Variants in FN1 observed in about 807,000 individuals in gnomAD.
FN1 encodes fibronectin 1.
A neutral mutation model predicts 297.3 loss-of-function variants in FN1; 106 were observed. The ratio of observed to expected loss-of-function variants is 0.36; its 90% CI spans 0.30 to 0.42. The LOEUF (loss-of-function observed/expected upper bound fraction) is 0.42, where lower values mean the gene tolerates loss of function less well. FN1 is among the 10% of genes least tolerant of loss of function. FN1 has a pLI of 1.00. For missense variants in FN1, 2,690 were observed against 3,124.9 expected, an observed-to-expected ratio of 0.86 and a Z score of 3.32; for synonymous variants, 1,149 against 1,152.6, an observed-to-expected ratio of 1.00 and a Z score of 0.06.
At chr2:215,421,312 A>T in intron 10 of FN1, 1 of 212,956 alleles carries the variant, frequency 4.7e-6, no homozygotes, top group Non-Finnish European at 9.4e-6. Flanking sequence ...AATTAGGCCA[A>T]CTCTGTTGCT....
Position 215,435,861 on chromosome 2 carries a change from T to A in FN1, c.-59A>T. The A allele has an allele frequency of 6.7e-7, 1 of 1,497,576 alleles. No individual in the cohort carries two copies. The highest frequency in any genetic ancestry group is 8.9e-7 in the Non-Finnish European group (1 of 1,125,592). The allele number at this position is 1,497,576 out of a possible 1,614,324, so 92.8% of individuals were successfully genotyped here. A position where few individuals can be genotyped will look rare whatever the true frequency, so the allele number is the denominator to read the frequency against. On this transcript the variant is annotated 5_prime_UTR_variant, in exon 1 of 46. Transcript: ENST00000354785. ...GAGGCAAGTTGCCACCAAGTTTGCT[T>A]CCCTTCGCAACCTGCGGGAAAAATC...
In FN1 at chr2:215,423,416, T is replaced by C; in HGVS notation, c.1327A>G (p.Met443Val). Reference protein sequence around the residue: ...DCTSEGRRDNMKWCGTTQNYD... With the variant: ...DCTSEGRRDNVKWCGTTQNYD... ...TTCTGTGTGGTCCCACACCACTTCA[T>C]GTTGTCTCTTCTGCCCTCAGAAGTG... Residue 443 changes from methionine (M) to valine (V), a missense_variant, in exon 9 of 46, where the codon ATG becomes GTG. Physicochemically the swap from Met to Val is conservative, Grantham distance 21 (BLOSUM62 1). Coordinates refer to ENST00000354785, the MANE Select transcript of FN1 (RefSeq NM_212482.4). 2 of 1,614,236 alleles carry C rather than the reference T, an allele frequency of 1.2e-6. No homozygotes were observed. Among genetic ancestry groups the C allele is most frequent in the African/African-American group, 1.3e-5 (1 of 75,068 alleles).
At chr2:215,420,985 C>T in intron 10 of FN1, 184 bp from the exon 11 acceptor site, 1 of 629,226 alleles carries the variant, frequency 1.6e-6, no homozygotes, top group Non-Finnish European at 2.7e-6. Context: ...ACAATTTTTG[C>T]CAAAAAAATT....
rs1213810601 is a variant in FN1 at position 215,422,235 on chromosome 2, C to T, written c.1402G>A (p.Glu468Lys). Residue 468 changes from glutamate to lysine, a missense_variant, in exon 10 of 46, where the codon GAA (glutamate) becomes AAA (lysine). By Grantham distance (56) the Glu-to-Lys change is moderately conservative. Transcript: ENST00000354785. ...FGFCPMAAHE[E>K]ICTTNEGVMY... ...ACCCCTTCATTGGTTGTGCAGATTT[C>T]CTCGTGGGCTGTTTGGAAATGGATA... 1 of 1,614,108 alleles carries T rather than the reference C, an allele frequency of 6.2e-7. No individual in the cohort carries two copies. Among genetic ancestry groups the T allele is most frequent in the Non-Finnish European group, 8.5e-7 (1 of 1,179,960 alleles).
At position 215,393,071 on chromosome 2, in the gene FN1, G is replaced by A; in HGVS notation, c.3929C>T (p.Pro1310Leu). The change falls in exon 25 of 46, where the codon CCT (proline) becomes CTT (leucine). Residue 1310 changes from proline (P) to leucine (L), a missense_variant. Around this residue, in one of 3 missense-constraint regions of FN1, gnomAD observed 1,743 missense variants for 1,945.2 expected, o/e 0.90. Transcript: ENST00000354785. The stretch of plus-strand genomic sequence containing the variant: ...GGAGTCCACAAAATCTTCAAAAATA[G>A]GGATACCTTCTCCTGCCGCAACTAC... Reference protein sequence around the residue: ...ITVVAAGEGIPIFEDFVDSSV... With the variant: ...ITVVAAGEGILIFEDFVDSSV... The A allele has an allele frequency of 6.2e-7, 1 of 1,614,064 alleles. No homozygotes were observed. Among genetic ancestry groups the A allele is most frequent in the Non-Finnish European group, 8.5e-7 (1 of 1,180,026 alleles).
rs11544109 is a variant in FN1 at position 215,375,389 on chromosome 2, A to C, written c.5982T>G (p.Ile1994Met). The stretch of plus-strand genomic sequence containing the variant: ...GGAAACGCAGGTTGGATGGTGCATC[A>C]ATGGCTGAAAGAAAACAAAATTAAG... ...SPVVIDASTA[I>M]DAPSNLRFLA... The change falls in exon 38 of 46, where the codon ATT (isoleucine) becomes ATG (methionine). Residue 1994 changes from isoleucine (I) to methionine (M), a missense_variant. Physicochemically the swap from Ile to Met is conservative, Grantham distance 10. Around this residue, in one of 3 missense-constraint regions of FN1, gnomAD observed 1,743 missense variants for 1,945.2 expected, o/e 0.90. Transcript: ENST00000354785. 6.2e-7 allele frequency: 1 copy of C among 1,603,038 alleles called. No individual in the cohort carries two copies. Among genetic ancestry groups the C allele is most frequent in the Non-Finnish European group, 8.5e-7 (1 of 1,177,230 alleles).
intron 15 of FN1, 132 bp downstream of exon 15, chr2:215,409,431 G>T: frequency 2.4e-6 from 2 of 841,780 alleles, no homozygotes; most frequent in Non-Finnish European, 2.0e-6. Flanking sequence ...ATGCCAGAGG[G>T]TGGTTTGTTC....
chr2:215,379,894 C>G (rs946929375), intron 33 of FN1: 2 of 154,876 alleles, frequency 1.3e-5, no homozygotes, highest in Non-Finnish European at 2.9e-5. Context: ...CGGGGTCTCA[C>G]TTCATTGCCC....
chr2:215,406,991 T>C, intron 18 of FN1, 136 bp downstream of exon 18: 4 of 738,504 alleles, frequency 5.4e-6, no homozygotes, highest in Non-Finnish European at 9.5e-6. Flanking sequence ...ACATTTCAGC[T>C]AAATATCAGA....
chr2:215,402,598 C>G (rs1030472553), intron 20 of FN1, among the ~76,000 whole-genome samples: 2 of 152,244 alleles, frequency 1.3e-5, no homozygotes, highest in Admixed American at 6.5e-5. Context: ...TTAGGGAGTG[C>G]TTAAAGTTCA....
intron 21 of FN1, among the ~76,000 whole-genome samples, chr2:215,398,851 G>A (rs954141876): frequency 1.3e-5 from 2 of 152,166 alleles, no homozygotes; most frequent in South Asian, 4.1e-4. Flanking sequence ...ATGAAAATGC[G>A]ATTTTTAAGT....
At position 215,407,040 on chromosome 2, in the gene FN1, A is replaced by T. The variant is rs17457002; in HGVS notation, c.2713+87T>A. On this transcript the variant is annotated intron_variant, in intron 18 of 45. Transcript: ENST00000354785. The stretch of plus-strand genomic sequence containing the variant: ...ACTAATATATAAGATTTCTTGAATG[A>T]GAGGACTGTTGACAGAGACAAAACA... 366,154 of 972,132 alleles carry T rather than the reference A, an allele frequency of 0.38. 72,544 individuals are homozygous for T. The highest frequency in any genetic ancestry group is 0.49 in the South Asian group (37,786 of 77,374). The allele number at this position is 972,132 out of a possible 1,614,324, so 60.2% of individuals were successfully genotyped here. A position where few individuals can be genotyped will look rare whatever the true frequency, so the allele number is the denominator to read the frequency against.
Position 215,385,640 on chromosome 2 carries a change from C to T in FN1, c.4613-664G>A, listed in dbSNP as rs187552106. 5.6e-3 allele frequency among the ~76,000 whole-genome samples: 842 copies of T among 151,686 alleles called. 2 individuals are homozygous for T. Among genetic ancestry groups the T allele is most frequent in the Non-Finnish European group, 9.5e-3 (645 of 67,926 alleles). On this transcript the variant is annotated intron_variant, in intron 28 of 45. Coordinates refer to ENST00000354785, the MANE Select transcript of FN1 (RefSeq NM_212482.4). Reference sequence around the variant, plus strand: ...CCTTAGGTATTTGTCTCTGGCTTGACGACTTGAGACTAAAATACAGATAAC... The same window carrying T: ...CCTTAGGTATTTGTCTCTGGCTTGATGACTTGAGACTAAAATACAGATAAC...
intron 24 of FN1, 73 bp from the exon 25 acceptor site, chr2:215,393,276 C>T: frequency 7.0e-7 from 1 of 1,438,072 alleles, no homozygotes; most frequent in African/African-American, 1.4e-5. Context: ...AAAAATAAAG[C>T]AGTGTATATC....
intron 13 of FN1, among the ~76,000 whole-genome samples, chr2:215,412,782 T>TTTTTTTTTTTTTTCTTC (rs869251449): frequency 7.4e-6 from 1 of 134,552 alleles, no homozygotes; most frequent in African/African-American, 2.7e-5. Flanking sequence ...TTTTTTTTTT[T>TTTTTTTTTTTTTTCTTC]ACTTCATCAG....
rs761460082 is a variant in FN1 at position 215,414,830 on chromosome 2, T to A, written c.1941+7A>T. 5.0e-6 allele frequency: 8 copies of A among 1,613,386 alleles called. No individual in the cohort carries two copies. Among genetic ancestry groups the A allele is most frequent in the Non-Finnish European group, 6.8e-6 (8 of 1,179,582 alleles). ...CAGTATCCAAGGTTTCTGGGTGGGA[T>A]ACTCACAGGTCTCCACCTGAGAATG... On this transcript the variant is annotated splice_region_variant and intron_variant, in intron 13 of 45. Transcript: ENST00000354785.
intron 42 of FN1, among the ~76,000 whole-genome samples, chr2:215,367,506 T>G (rs1553595330): frequency 6.6e-6 from 1 of 152,206 alleles, no homozygotes; most frequent in Non-Finnish European, 1.5e-5. Flanking sequence ...ACACTGAAGA[T>G]TAAAAGAGAT....
chr2:215,388,130 AT>A, intron 27 of FN1, 81 bp downstream of exon 27: 1 of 1,013,202 alleles, frequency 9.9e-7, no homozygotes, highest in Non-Finnish European at 1.6e-6. Flanking sequence ...ATGGAGATGT[AT>A]TTTTAGAAGT....
chr2:215,394,140 T>C (rs1460341083), intron 24 of FN1, among the ~76,000 whole-genome samples: 1 of 152,264 alleles, frequency 6.6e-6, no homozygotes, highest in African/African-American at 2.4e-5. Flanking sequence ...GAAATTGATA[T>C]GGATTGTAAA....
Sources: gnomAD v4.1 joint callset for allele counts (sites outside exome capture counted in the v4.1 genomes callset) on GRCh38, gnomAD v4.1.1 for gene constraint, gnomAD v4.1.1 regional missense constraint, MANE v1.5 for transcripts, NCBI Gene and HGNC (gene_info 2026-07-23, HGNC 2026-07-21) for gene names.